The following PPP2R2D variants were observed in gnomAD, a reference collection of about 807,000 sequenced individuals.
PPP2R2D encodes protein phosphatase 2 regulatory subunit Bdelta.
PPP2R2D carries 9 observed loss-of-function variants against 31.1 expected under a neutral mutation model. The ratio of observed to expected loss-of-function variants is 0.29; its 90% CI spans 0.17 to 0.51. The LOEUF is 0.51. Ranked by LOEUF, PPP2R2D falls within the 20% of genes least tolerant of loss-of-function variation. The pLI is 0.98. For synonymous variants in PPP2R2D, 179 were observed against 172.6 expected (o/e 1.04, Z -0.29); for missense variants, 391 against 465.6 (o/e 0.84, Z 1.48).
In PPP2R2D at chr10:131,957,332, G is replaced by A; in HGVS notation, c.*1369G>A. On this transcript the variant is annotated 3_prime_UTR_variant, in exon 9 of 9. Coordinates refer to ENST00000455566, the MANE Select transcript of PPP2R2D (RefSeq NM_018461.5). The stretch of plus-strand genomic sequence containing the variant: ...TGCTGATTGCCTGTGCCCCTGTGGA[G>A]AAGGAGGTGTGTGCTGATCCCCTGT... 5.4e-6 allele frequency: 1 copy of A among 186,370 alleles called. No homozygotes were observed. The highest frequency in any genetic ancestry group is 7.9e-5 in the South Asian group (1 of 12,634). The allele number at this position is 186,370 out of a possible 1,614,324, so 11.5% of individuals were successfully genotyped here.
At chr10:131,905,336 A>G (rs1185284090) in intron 2 of PPP2R2D, among the ~76,000 whole-genome samples, 1 of 152,128 alleles carries the variant, frequency 6.6e-6, no homozygotes, top group Non-Finnish European at 1.5e-5. Flanking sequence ...CCTTTCTGGA[A>G]ATTGTTAACT....
At chr10:131,943,644 AGT>A (rs1388898719) in intron 5 of PPP2R2D, among the ~76,000 whole-genome samples, 4 of 152,198 alleles carry the variant, frequency 2.6e-5, no homozygotes, top group Admixed American at 6.5e-5. Flanking sequence ...CCAGCGCCTC[AGT>A]GTGGCCACTG....
chr10:131,959,768 G>A lies in PPP2R2D; in HGVS notation c.*3805G>A, dbSNP rs576262260. On this transcript the variant is annotated 3_prime_UTR_variant, in exon 9 of 9. Coordinates refer to ENST00000455566, the MANE Select transcript of PPP2R2D (RefSeq NM_018461.5). ...GTCCTTAAGACAGTTCTAGTAAAAT[G>A]GGATTGTATATATTTGTTCAACTAT... 1 of 152,300 alleles carries A rather than the reference G, an allele frequency of 6.6e-6. No homozygotes were observed. Among genetic ancestry groups the A allele is most frequent in the Non-Finnish European group, 1.5e-5 (1 of 68,032 alleles). 9.4% of individuals were successfully genotyped at this position (152,300 alleles called of 1,614,324 possible).
intron 2 of PPP2R2D, among the ~76,000 whole-genome samples, chr10:131,930,315 T>G (rs2036197663): frequency 6.6e-6 from 1 of 152,214 alleles, no homozygotes. Flanking sequence ...CCAGTCTCCC[T>G]GGCCTGAACG....
the PPP2R2D span, among the ~76,000 whole-genome samples, chr10:131,965,346 G>A: frequency 2.6e-5 from 4 of 152,218 alleles, no homozygotes; most frequent in African/African-American, 9.6e-5. Context: ...GGCCCAGAAA[G>A]TGGTGCTGCA....
intron 2 of PPP2R2D, among the ~76,000 whole-genome samples, chr10:131,920,451 A>T (rs1564813422): frequency 1.3e-5 from 2 of 152,240 alleles, no homozygotes; most frequent in Non-Finnish European, 2.9e-5. Flanking sequence ...TGGGGACCTC[A>T]CGTGGGTGGA....
rs527471900 is a variant in PPP2R2D, at chr10:131,929,612, C to T, written c.101-4846C>T. On this transcript the variant is annotated intron_variant, in intron 2 of 8. Transcript: ENST00000455566. ...TAGCAGGTGACCCTCCCTCATGCCT[C>T]GTGGAAACAGTGCAGCCTGAGGGGC... Among the ~76,000 whole-genome samples, 19 of 152,214 alleles carry T rather than the reference C, an allele frequency of 1.2e-4. 2 individuals are homozygous for T. The South Asian group carries it at 3.1e-3, about 25-fold the overall frequency.
chr10:131,904,402 T>G (rs1384533734), intron 2 of PPP2R2D, among the ~76,000 whole-genome samples: 2 of 149,716 alleles, frequency 1.3e-5, no homozygotes, highest in Admixed American at 6.7e-5. Flanking sequence ...CCCAGCTACT[T>G]GGGAGGCTGA....
intron 2 of PPP2R2D, among the ~76,000 whole-genome samples, chr10:131,901,692 C>T (rs2035499932): frequency 6.6e-6 from 1 of 152,150 alleles, no homozygotes. Flanking sequence ...GCGGCGGAGC[C>T]GGGGACGGGA....
intron 2 of PPP2R2D, among the ~76,000 whole-genome samples, chr10:131,920,191 G>A (rs1318018684): frequency 1.0e-4 from 15 of 149,210 alleles, no homozygotes; most frequent in African/African-American, 3.7e-4. Flanking sequence ...GACCTGACGT[G>A]GGTGGAATGA....
intron 2 of PPP2R2D, among the ~76,000 whole-genome samples, chr10:131,924,939 T>C (rs1184958682): frequency 3.9e-5 from 6 of 152,214 alleles, no homozygotes; most frequent in Non-Finnish European, 7.3e-5. Flanking sequence ...AGTTGTTTTC[T>C]TGCTTTTATT....
intron 2 of PPP2R2D, among the ~76,000 whole-genome samples, chr10:131,929,724 G>C (rs116397706): frequency 0.016 from 2,381 of 152,234 alleles, 49 homozygotes; most frequent in African/African-American, 0.045. Context: ...ACCACCGGCA[G>C]CTGACTCTCC....
At chr10:131,964,101 C>T (rs2036952093), downstream of PPP2R2D, among the ~76,000 whole-genome samples, 1 of 152,242 alleles carries the variant, frequency 6.6e-6, no homozygotes, top group African/African-American at 2.4e-5. Context: ...CGTGATTAAA[C>T]TGCAATTATG....
the PPP2R2D span, chr10:131,968,480 C>T: frequency 3.3e-5 from 50 of 1,510,078 alleles, no homozygotes; most frequent in Non-Finnish European, 4.6e-5. Flanking sequence ...GTTGCAAGCT[C>T]AGAAGTAATC....
chr10:131,969,076 G>C, the PPP2R2D span: 1 of 156,048 alleles, frequency 6.4e-6, no homozygotes, highest in Non-Finnish European at 1.4e-5. Context: ...ATCACTCCCG[G>C]AGGGAGGAGG....
chr10:131,919,999 A>G (rs1366381141), intron 2 of PPP2R2D, among the ~76,000 whole-genome samples: 2 of 142,852 alleles, frequency 1.4e-5, no homozygotes, highest in Non-Finnish European at 3.0e-5. Flanking sequence ...GGAATGACAC[A>G]GTGTTTGTAG....
In PPP2R2D at chr10:131,945,551, C is replaced by T. The variant is rs2036521721; in HGVS notation, c.820+92C>T. On this transcript the variant is annotated intron_variant, in intron 7 of 8. Coordinates refer to ENST00000455566, the MANE Select transcript of PPP2R2D (RefSeq NM_018461.5). This position sits in a 1 kb window ranked among gnomAD's most constrained non-coding sequence, Gnocchi z 4.8. ...CTCGGCTCACGGCAAGCTCCGCCTC[C>T]CGGGTTCCAGCAAGTCTTCTGCCTC... is the stretch of plus-strand genomic sequence containing the variant. 1 of 1,444,342 alleles carries T rather than the reference C, an allele frequency of 6.9e-7. No homozygotes were observed. Among genetic ancestry groups the T allele is most frequent in the South Asian group, 1.4e-5 (1 of 73,554 alleles). 89.5% of individuals were successfully genotyped at this position (1,444,342 alleles called of 1,614,324 possible).
chr10:131,921,541 T>G (rs973934029), intron 2 of PPP2R2D, among the ~76,000 whole-genome samples: 2 of 151,948 alleles, frequency 1.3e-5, no homozygotes, highest in African/African-American at 4.8e-5. Context: ...GGACTTGACA[T>G]GGGAGAAGAA....
chr10:131,903,456 G>C (rs1321356772), intron 2 of PPP2R2D, among the ~76,000 whole-genome samples: 1 of 129,326 alleles, frequency 7.7e-6, no homozygotes, highest in Non-Finnish European at 1.6e-5. Context: ...AATAGAACAA[G>C]GCTCCATCTC....
Sources: allele counts gnomAD v4.1 joint callset (sites outside exome capture counted in the v4.1 genomes callset), GRCh38; gene constraint gnomAD v4.1.1; non-coding constraint Gnocchi (gnomAD v3.1); transcripts MANE v1.5; gene names NCBI Gene and HGNC (gene_info 2026-07-23, HGNC 2026-07-21).